Variants in KCNAB2 observed in about 807,000 individuals in gnomAD.
KCNAB2 encodes potassium voltage-gated channel subfamily A regulatory beta subunit 2, also known as voltage-gated potassium channel subunit beta-2.
Under a neutral mutation model 63.6 loss-of-function variants are expected in KCNAB2, and 29 were observed. That is an observed-to-expected ratio of 0.46 (90% CI 0.34 to 0.62). KCNAB2 has a LOEUF of 0.62. KCNAB2 is among the 20% of genes least tolerant of loss of function. The probability of loss-of-function intolerance (pLI) is 0.01; values close to 1 mark genes in which losing one functional copy is unlikely to be tolerated. For synonymous variants in KCNAB2, 222 were observed against 224.2 expected, an observed-to-expected ratio of 0.99 and a Z score of 0.09; for missense variants, 359 against 563.9, an observed-to-expected ratio of 0.64 and a Z score of 3.68.
rs1172819223 is a variant in KCNAB2 at position 6,096,342 on chromosome 1, A to C, written c.949-294A>C. The C allele has an allele frequency of 2.1e-6, 1 of 477,256 alleles. No individual in the cohort carries two copies. Among genetic ancestry groups the C allele is most frequent in the Non-Finnish European group, 3.9e-6 (1 of 258,842 alleles). The allele number at this position is 477,256 out of a possible 1,614,324, so 29.6% of individuals were successfully genotyped here. ...CCAGGCTGCCAAGTTTCCTAAGAGA[A>C]GGAAGGCCAGCACCTCGCCTCCTTG... On this transcript the variant is annotated intron_variant, in intron 13 of 15. Coordinates refer to ENST00000378083, the MANE Select transcript of KCNAB2 (RefSeq NM_001199862.2). This position sits in a 1 kb window ranked among gnomAD's most constrained non-coding sequence, Gnocchi z 5.9.
Position 6,098,861 on chromosome 1 carries a change from C to G in KCNAB2, c.*287C>G. 2 of 301,744 alleles carry G rather than the reference C, an allele frequency of 6.6e-6. No individual in the cohort carries two copies. Among genetic ancestry groups the G allele is most frequent in the Non-Finnish European group, 1.2e-5 (2 of 162,846 alleles). 18.7% of individuals were successfully genotyped at this position (301,744 alleles called of 1,614,324 possible). A position where few individuals can be genotyped will look rare whatever the true frequency, so the allele number is the denominator to read the frequency against. ...CTGCTCATCCTCCAAGACCACCCAG[C>G]TTTCTCCCAGCCACAGCCAAGATTC... On this transcript the variant is annotated 3_prime_UTR_variant, in exon 16 of 16. Coordinates refer to ENST00000378083, the MANE Select transcript of KCNAB2 (RefSeq NM_001199862.2).
At chr1:6,094,364 G>GC in intron 10 of KCNAB2, 36 bp from the exon 11 acceptor site, 2 of 1,553,188 alleles carry the variant, frequency 1.3e-6, no homozygotes, top group Non-Finnish European at 1.8e-6. Flanking sequence ...AGCCCTGGCT[G>GC]CCCCCCACCT....
At chr1:5,998,384 C>T (rs1657052058) in intron 1 of KCNAB2, among the ~76,000 whole-genome samples, 1 of 152,152 alleles carries the variant, frequency 6.6e-6, no homozygotes, top group Non-Finnish European at 1.5e-5. Flanking sequence ...GAGGACTGGG[C>T]TCGGTTGACC....
chr1:6,004,594 C>T (rs1171621549), intron 1 of KCNAB2, among the ~76,000 whole-genome samples: 1 of 149,128 alleles, frequency 6.7e-6, no homozygotes, highest in Non-Finnish European at 1.5e-5. Context: ...CGAGATTCTG[C>T]CCCCATCGCC....
chr1:6,088,736 CAAATCAAACAGACGGGTTAGGTTGA>C (rs1664917822), intron 7 of KCNAB2, among the ~76,000 whole-genome samples: 1 of 151,228 alleles, frequency 6.6e-6, no homozygotes, highest in Non-Finnish European at 1.5e-5. Flanking sequence ...ATAATAAGTC[CAAATCAAACAGACGGGTTAGGTTGA>C]AAATCAAAGC....
chr1:6,086,239 GC>G lies in KCNAB2; in HGVS notation c.425+996del. ...ACTCAGAATCCCAGTGCCAAGGGGA[GC>G]CCCCGCCCCCTCCCCCATGGATTCC... On this transcript the variant is annotated intron_variant, in intron 6 of 15. Transcript: ENST00000378083. This position sits in a 1 kb window ranked among gnomAD's most constrained non-coding sequence, Gnocchi z 4.2. 1 of 984,036 alleles carries G rather than the reference GC, an allele frequency of 1.0e-6. No homozygotes were observed. 61.0% of individuals were successfully genotyped at this position (984,036 alleles called of 1,614,324 possible). A position where few individuals can be genotyped will look rare whatever the true frequency, so the allele number is the denominator to read the frequency against.
chr1:6,062,854 A>G (rs535754037), intron 2 of KCNAB2, among the ~76,000 whole-genome samples: 108 of 152,304 alleles, frequency 7.1e-4, no homozygotes, highest in African/African-American at 2.5e-3. Context: ...ATGCAATTAT[A>G]TGGAATTAAG....
At position 6,099,871 on chromosome 1, in the gene KCNAB2, C is replaced by G. The variant is rs953319660; in HGVS notation, c.*1297C>G. 30 of 1,549,742 alleles carry G rather than the reference C, an allele frequency of 1.9e-5. No homozygotes were observed. The highest frequency in any genetic ancestry group is 2.4e-5 in the South Asian group (2 of 83,974). Reference sequence around the variant, plus strand: ...AGGCCAGAGTGACGCCCCCGTGCAGCTTGGGCCGGAGGGCAAGGGATGCCA... The same window carrying G: ...AGGCCAGAGTGACGCCCCCGTGCAGGTTGGGCCGGAGGGCAAGGGATGCCA... On this transcript the variant is annotated 3_prime_UTR_variant, in exon 16 of 16. Transcript: ENST00000378083.
intron 1 of KCNAB2, among the ~76,000 whole-genome samples, chr1:6,025,320 G>A (rs1659076277): frequency 6.6e-6 from 1 of 152,068 alleles, no homozygotes; most frequent in Non-Finnish European, 1.5e-5. Context: ...GACTCAACAC[G>A]GTGCAGGTGG....
At chr1:6,025,740 G>A (rs1377017780) in intron 1 of KCNAB2, among the ~76,000 whole-genome samples, 2 of 152,176 alleles carry the variant, frequency 1.3e-5, no homozygotes, top group African/African-American at 4.8e-5. Flanking sequence ...CTGACCCTTC[G>A]TGTTGTCACC....
intron 1 of KCNAB2, among the ~76,000 whole-genome samples, chr1:6,004,868 GCTT>G (rs1657466133): frequency 6.6e-6 from 1 of 151,240 alleles, no homozygotes; most frequent in Admixed American, 6.6e-5. Flanking sequence ...GAGTCTGGCT[GCTT>G]CTTCCTCATC....
chr1:6,004,177 C>G (rs929790398), intron 1 of KCNAB2, among the ~76,000 whole-genome samples: 2 of 151,714 alleles, frequency 1.3e-5, no homozygotes, highest in Admixed American at 1.3e-4. Flanking sequence ...TCACTTCCCA[C>G]AAAAGAAGGT....
chr1:6,040,680 A>G (rs1660427378), intron 2 of KCNAB2: 2 of 1,358,112 alleles, frequency 1.5e-6, no homozygotes, highest in Non-Finnish European at 1.1e-6. Context: ...GCCCCCTCCC[A>G]GGGTCAGTCC....
intron 2 of KCNAB2, among the ~76,000 whole-genome samples, chr1:6,062,355 G>A (rs988755345): frequency 2.6e-5 from 4 of 151,342 alleles, no homozygotes; most frequent in Non-Finnish European, 5.9e-5. Context: ...TTTCTACCTT[G>A]GGTTCTCAAA....
chr1:6,094,559 C>A, intron 11 of KCNAB2, 74 bp downstream of exon 11: 5 of 1,277,818 alleles, frequency 3.9e-6, no homozygotes, highest in Non-Finnish European at 5.5e-6. Context: ...GACCCCAAAG[C>A]TCTGGCGGGG....
intron 1 of KCNAB2, among the ~76,000 whole-genome samples, chr1:5,995,039 C>G (rs530161536): frequency 6.6e-6 from 1 of 152,272 alleles, no homozygotes; most frequent in South Asian, 2.1e-4. Flanking sequence ...GGGACTCTGG[C>G]CAGGTGCGGT....
intron 1 of KCNAB2, among the ~76,000 whole-genome samples, chr1:6,008,847 C>T (rs937268156): frequency 1.3e-5 from 2 of 152,136 alleles, no homozygotes; most frequent in Non-Finnish European, 2.9e-5. Context: ...GACTTGTTTC[C>T]GTGGGAACCT....
rs963505099 is a variant in KCNAB2, at chr1:6,073,308, C to A, written c.263-425C>A. Among the ~76,000 whole-genome samples, 5 of 152,120 alleles carry A rather than the reference C, an allele frequency of 3.3e-5. No homozygotes were observed. The highest frequency in any genetic ancestry group is 5.9e-5 in the Non-Finnish European group (4 of 68,014). On this transcript the variant is annotated intron_variant, in intron 3 of 15. Coordinates refer to ENST00000378083, the MANE Select transcript of KCNAB2 (RefSeq NM_001199862.2). This position sits in a 1 kb window ranked among gnomAD's most constrained non-coding sequence, Gnocchi z 5.7. ...ACTGCAGTACACACACCCCGCCCCC[C>A]ACCAGCACCCACTGCCCTGACACCG...
In KCNAB2 at chr1:6,071,645, A is replaced by ACCTGCCGCTTAGGACT. The variant is rs1474369585; in HGVS notation, c.219-1103_219-1088dup. Among the ~76,000 whole-genome samples, 3 of 151,992 alleles carry ACCTGCCGCTTAGGACT rather than the reference A, an allele frequency of 2.0e-5. No individual in the cohort carries two copies. The highest frequency in any genetic ancestry group is 2.9e-5 in the Non-Finnish European group (2 of 67,970). On this transcript the variant is annotated intron_variant, in intron 2 of 15. Transcript: ENST00000378083. The surrounding 1 kb of genome is among the most constrained non-coding windows in gnomAD (Gnocchi z 8.5). The stretch of plus-strand genomic sequence containing the variant: ...AAGCAAGGCGCCTGCTGCGTAGGGC[A>ACCTGCCGCTTAGGACT]CCTGCCGCTTAGGACTCCTGCCACC...
Sources: allele counts gnomAD v4.1 joint callset (sites outside exome capture counted in the v4.1 genomes callset), GRCh38; gene constraint gnomAD v4.1.1; non-coding constraint Gnocchi (gnomAD v3.1); transcripts MANE v1.5; gene names NCBI Gene and HGNC (gene_info 2026-07-23, HGNC 2026-07-21).